Variants in PDE10A observed in about 807,000 individuals in gnomAD.
PDE10A encodes cAMP and cAMP-inhibited cGMP 3',5'-cyclic phosphodiesterase 10A.
Under a neutral mutation model 97.7 loss-of-function variants are expected in PDE10A, and 39 were observed. The ratio of observed to expected loss-of-function variants is 0.40; its 90% CI spans 0.31 to 0.52. PDE10A has a LOEUF of 0.52. PDE10A is among the 20% of genes least tolerant of loss of function. The pLI, the probability that PDE10A is intolerant of heterozygous loss-of-function variation, is 0.56. For synonymous variants in PDE10A, 371 were observed against 376.8 expected (o/e 0.98, Z 0.18); for missense variants, 731 against 1,047.8 (o/e 0.70, Z 4.17).
chr6:165,823,034 G>A (rs1269341809), intron 1 of PDE10A, among the ~76,000 whole-genome samples: 2 of 151,730 alleles, frequency 1.3e-5, no homozygotes, highest in South Asian at 2.1e-4. Flanking sequence ...GGGTTTCACC[G>A]TGTTAGCCAG....
Position 165,820,602 on chromosome 6 carries a change from A to G in PDE10A, c.-615+166927T>C, listed in dbSNP as rs144386906. On this transcript the variant is annotated intron_variant, in intron 1 of 19. Transcript: ENST00000366882. ...TACTCAGCATGAGCCCAGGCCCCCCAGCGTCTGGTCCTCCTGCAGGCAGGC... is the reference window on the plus strand; with the variant it reads ...TACTCAGCATGAGCCCAGGCCCCCCGGCGTCTGGTCCTCCTGCAGGCAGGC... 6.8e-3 allele frequency among the ~76,000 whole-genome samples: 1,043 copies of G among 152,324 alleles called. 9 individuals are homozygous for G. The highest frequency in any genetic ancestry group is 9.6e-3 in the Non-Finnish European group (653 of 68,030).
chr6:165,487,323 TAA>T (rs2128284756), intron 2 of PDE10A, among the ~76,000 whole-genome samples: 1 of 152,248 alleles, frequency 6.6e-6, no homozygotes, highest in South Asian at 2.1e-4. Context: ...AGCCTGGACA[TAA>T]GTGACACACT....
intron 1 of PDE10A, among the ~76,000 whole-genome samples, chr6:165,572,079 C>G (rs1021167076): frequency 2.0e-5 from 3 of 152,186 alleles, no homozygotes; most frequent in Non-Finnish European, 4.4e-5. Flanking sequence ...TATGGCACTT[C>G]CGCTTTCTTG....
At chr6:165,494,777 A>G (rs1370151060) in intron 2 of PDE10A, among the ~76,000 whole-genome samples, 2 of 152,142 alleles carry the variant, frequency 1.3e-5, no homozygotes, top group Admixed American at 1.3e-4. Flanking sequence ...ATGAGTAAGT[A>G]GCCTGCTTTC....
At chr6:165,749,341 C>CAT (rs1792930269) in intron 1 of PDE10A, among the ~76,000 whole-genome samples, 5 of 65,436 alleles carry the variant, frequency 7.6e-5, no homozygotes, top group African/African-American at 2.7e-4. Context: ...ACCACCATCA[C>CAT]CACCACCATT....
intron 1 of PDE10A, among the ~76,000 whole-genome samples, chr6:165,854,401 G>A (rs77127203): frequency 0.097 from 14,732 of 152,150 alleles, 922 homozygotes; most frequent in East Asian, 0.27. Context: ...GCCAAGACCA[G>A]GTGCGTTTTG....
intron 1 of PDE10A, among the ~76,000 whole-genome samples, chr6:165,644,812 C>T (rs1020855300): frequency 2.6e-5 from 4 of 152,196 alleles, no homozygotes; most frequent in African/African-American, 9.6e-5. Flanking sequence ...CTGGCACTTG[C>T]CCACTTCTGC....
chr6:165,373,832 A>T (rs1784428808), intron 18 of PDE10A, among the ~76,000 whole-genome samples: 1 of 152,066 alleles, frequency 6.6e-6, no homozygotes, highest in East Asian at 1.9e-4. Context: ...GAACAAACCC[A>T]AATGTCCAAC....
chr6:165,626,417 A>C (rs1388785027), intron 1 of PDE10A, among the ~76,000 whole-genome samples: 1 of 152,216 alleles, frequency 6.6e-6, no homozygotes, highest in Non-Finnish European at 1.5e-5. Context: ...CTTTTAAATA[A>C]ATCTTCCCAA....
rs529113401 is a variant in PDE10A at position 165,706,280 on chromosome 6, C to T, written c.-614-162712G>A. 2.0e-5 allele frequency among the ~76,000 whole-genome samples: 3 copies of T among 152,244 alleles called. No homozygotes were observed. In the East Asian group the frequency reaches 5.8e-4, roughly 29 times the overall value. On this transcript the variant is annotated intron_variant, in intron 1 of 19. Coordinates refer to the PDE10A transcript ENST00000366882. ...AATGTCCTTCAAGATAATGATTTCC[C>T]TTTGCCTTAATCCTATGCTTACTAA...
chr6:165,415,870 T>C (rs1232178668), intron 12 of PDE10A, among the ~76,000 whole-genome samples: 1 of 152,178 alleles, frequency 6.6e-6, no homozygotes, highest in Non-Finnish European at 1.5e-5. Flanking sequence ...GAGAACATGT[T>C]TGTTACAAAA....
At chr6:165,840,826 A>G (rs1433593491) in intron 1 of PDE10A, among the ~76,000 whole-genome samples, 1 of 152,250 alleles carries the variant, frequency 6.6e-6, no homozygotes, top group African/African-American at 2.4e-5. Flanking sequence ...TAGAAATATA[A>G]GTGTAATATA....
At chr6:165,772,447 A>C (rs1778038688) in intron 1 of PDE10A, among the ~76,000 whole-genome samples, 1 of 152,084 alleles carries the variant, frequency 6.6e-6, no homozygotes, top group Admixed American at 6.6e-5. Flanking sequence ...ATCGCCTCCA[A>C]TGTTCTCCAT....
At chr6:165,629,859 G>C (rs1269150158) in intron 1 of PDE10A, among the ~76,000 whole-genome samples, 1 of 149,154 alleles carries the variant, frequency 6.7e-6, no homozygotes, top group Non-Finnish European at 1.5e-5. Flanking sequence ...AATTAGCCTA[G>C]TTTGAGTTAT....
chr6:165,480,594 A>T (rs963116685), intron 3 of PDE10A, among the ~76,000 whole-genome samples: 1 of 152,200 alleles, frequency 6.6e-6, no homozygotes, highest in Non-Finnish European at 1.5e-5. Flanking sequence ...AATTAAAAAA[A>T]AAAAGTATAT....
chr6:165,704,124 C>T (rs1009697977), intron 1 of PDE10A, among the ~76,000 whole-genome samples: 4 of 152,174 alleles, frequency 2.6e-5, no homozygotes, highest in East Asian at 1.9e-4. Context: ...ACTCTGTATA[C>T]GTTTGGGAAC....
At chr6:165,941,076 G>T (rs474392) in intron 1 of PDE10A, among the ~76,000 whole-genome samples, 13,444 of 152,092 alleles carry the variant, frequency 0.088, 752 homozygotes, top group South Asian at 0.15. Context: ...AGTCTGTCCG[G>T]GATTTGTGCC....
intron 13 of PDE10A, among the ~76,000 whole-genome samples, chr6:165,397,866 C>G (rs1786301345): frequency 6.6e-6 from 1 of 151,958 alleles, no homozygotes; most frequent in Non-Finnish European, 1.5e-5. Context: ...TATCAGTAAA[C>G]AAATTGTGGC....
chr6:165,640,123 T>C (rs1441338758), intron 1 of PDE10A, among the ~76,000 whole-genome samples: 1 of 151,872 alleles, frequency 6.6e-6, no homozygotes. Flanking sequence ...GGTCTTTAAG[T>C]TGCATGCATG....
Sources: allele counts gnomAD v4.1 joint callset (sites outside exome capture counted in the v4.1 genomes callset), GRCh38; gene constraint gnomAD v4.1.1; transcripts MANE v1.5; gene names NCBI Gene and HGNC (gene_info 2026-07-23, HGNC 2026-07-21).